Variants in VWF observed in about 807,000 individuals in gnomAD.
VWF encodes von Willebrand factor, also known as Factor VIII related antigen.
VWF carries 176 observed loss-of-function variants against 308.6 expected under a neutral mutation model. The observed-to-expected ratio is 0.57, with a 90% CI of 0.50 to 0.65. The LOEUF is 0.65. VWF is among the 30% of genes least tolerant of loss of function. VWF has a pLI of 0.00. For synonymous variants in VWF, 1,385 were observed against 1,443.4 expected (o/e 0.96, Z 0.92); for missense variants, 3,146 against 3,648.2 (o/e 0.86, Z 3.55).
At chr12:5,973,597 C>T (rs999573209) in intron 43 of VWF, among the ~76,000 whole-genome samples, 6 of 152,148 alleles carry the variant, frequency 3.9e-5, no homozygotes, top group Admixed American at 1.3e-4. Flanking sequence ...GCTCTGGGCT[C>T]GGGTCAGGAC....
Position 5,981,768 on chromosome 12 carries a change from T to C in VWF, c.7287+18A>G, listed in dbSNP as rs1308489555. ...GAGTAAACTATTAACTGATAGTTAA[T>C]AGCCAAGCAGTCCTTACCTTGTCGG... On this transcript the variant is annotated intron_variant, in intron 42 of 51. Coordinates refer to ENST00000261405, the MANE Select transcript of VWF (RefSeq NM_000552.5). 5.8e-5 allele frequency: 93 copies of C among 1,613,144 alleles called. No homozygotes were observed. In the Admixed American group the frequency reaches 1.5e-3, roughly 26 times the overall value.
intron 3 of VWF, 61 bp downstream of exon 3, chr12:6,121,113 A>C: frequency 6.2e-7 from 1 of 1,607,140 alleles, no homozygotes; most frequent in Non-Finnish European, 8.5e-7. Context: ...CCTCCCCCAC[A>C]CCAGGGCTAA....
chr12:6,112,719 G>A (rs370954360), intron 3 of VWF, among the ~76,000 whole-genome samples: 1 of 152,008 alleles, frequency 6.6e-6, no homozygotes, highest in African/African-American at 2.4e-5. Context: ...ATGGCCAGAG[G>A]AGCTGGGGCA....
chr12:6,072,311 C>T lies in VWF; in HGVS notation c.1109+20G>A, dbSNP rs201735915. ...TCCCCCAGGCAGGTCTCCCAGAGCA[C>T]GCTGCGCAGCCCCCATTACCAGGTG... On this transcript the variant is annotated intron_variant, in intron 9 of 51. Transcript: ENST00000261405. 1.7e-5 allele frequency: 28 copies of T among 1,610,942 alleles called. No homozygotes were observed. Among genetic ancestry groups the T allele is most frequent in the East Asian group, 2.2e-5 (1 of 44,848 alleles).
chr12:6,121,378 G>A lies in VWF; in HGVS notation c.56-40C>T, dbSNP rs113081282. On this transcript the variant is annotated intron_variant, in intron 2 of 51. Transcript: ENST00000261405. Reference sequence around the variant, plus strand: ...CACAGGTTGGGCTGGTGATCTCAGGGCACAACTGGGACCATCAGCTCAAAC... The same window carrying A: ...CACAGGTTGGGCTGGTGATCTCAGGACACAACTGGGACCATCAGCTCAAAC... 34,026 of 1,607,344 alleles carry A rather than the reference G, an allele frequency of 0.021. 520 individuals carry two copies. The highest frequency in any genetic ancestry group is 0.026 in the South Asian group (2,349 of 89,866).
rs565338929 is a variant in VWF, at chr12:6,047,387, C to T, written c.2187-570G>A. On this transcript the variant is annotated intron_variant, in intron 16 of 51. Coordinates refer to ENST00000261405, the MANE Select transcript of VWF (RefSeq NM_000552.5). ...GTATATTCAAAACTAAACTCATGAT[C>T]CCCCGACCAAAGCCAATTCTCCTCC... 7.2e-5 allele frequency among the ~76,000 whole-genome samples: 11 copies of T among 152,274 alleles called. No individual in the cohort carries two copies. In the East Asian group the frequency reaches 1.9e-3, roughly 27 times the overall value.
At position 6,053,245 on chromosome 12, in the gene VWF, T is replaced by A. The variant is rs577147162; in HGVS notation, c.1946-462A>T. On this transcript the variant is annotated intron_variant, in intron 15 of 51. Coordinates refer to ENST00000261405, the MANE Select transcript of VWF (RefSeq NM_000552.5). ...ACCCCGTGACAACAATGAGTACCAT[T>A]TATGGAGCACCTACTGAATGCCTTG... Among the ~76,000 whole-genome samples, 12 of 152,268 alleles carry A rather than the reference T, an allele frequency of 7.9e-5. No individual in the cohort carries two copies. The East Asian group carries it at 2.3e-3, about 29-fold the overall frequency.
intron 6 of VWF, among the ~76,000 whole-genome samples, chr12:6,082,489 G>A (rs1213851319): frequency 6.6e-6 from 1 of 152,148 alleles, no homozygotes; most frequent in Non-Finnish European, 1.5e-5. Flanking sequence ...AAGTTTAGCC[G>A]AAAGCTGCCT....
In VWF at chr12:5,964,282, A is replaced by G. The variant is rs145956098; in HGVS notation, c.7887+3204T>C. 7.3e-3 allele frequency among the ~76,000 whole-genome samples: 1,043 copies of G among 143,400 alleles called. 6 individuals carry two copies. The highest frequency in any genetic ancestry group is 0.028 in the African/African-American group (933 of 33,376). The allele number at this position is 143,400 out of a possible 152,430, so 94.1% of individuals were successfully genotyped here. A position where few individuals can be genotyped will look rare whatever the true frequency, so the allele number is the denominator to read the frequency against. On this transcript the variant is annotated intron_variant, in intron 47 of 51. Coordinates refer to ENST00000261405, the MANE Select transcript of VWF (RefSeq NM_000552.5). ...TACATACATACATACATGCATACAT[A>G]CATGCATACATACATACAAAAAGCT...
At chr12:6,028,589 A>AG (rs1040866927) in intron 22 of VWF, among the ~76,000 whole-genome samples, 4 of 152,064 alleles carry the variant, frequency 2.6e-5, no homozygotes, top group South Asian at 4.1e-4. Context: ...GCCAGAAGAG[A>AG]GGGGGGGACC....
intron 18 of VWF, among the ~76,000 whole-genome samples, chr12:6,042,300 T>A (rs143496728): frequency 6.6e-6 from 1 of 152,172 alleles, no homozygotes; most frequent in East Asian, 1.9e-4. Context: ...AAGCCCTTAG[T>A]GACATCCCAC....
At position 6,057,931 on chromosome 12, in the gene VWF, G is replaced by A. The variant is rs969572907; in HGVS notation, c.1647C>T (p.Phe549=). 2.4e-5 allele frequency: 38 copies of A among 1,613,568 alleles called. No homozygotes were observed. Among genetic ancestry groups the A allele is most frequent in the Non-Finnish European group, 3.2e-5 (38 of 1,180,002 alleles). Residue 549 remains phenylalanine (F), a synonymous_variant, in exon 14 of 52, where the codon TTC becomes TTT. Transcript: ENST00000261405. ...CCCCGTGCAGCTTCCAGGCGTTCCC[G>A]AAGTCCTCCACCCGGGGCTCCGCCA... is the stretch of plus-strand genomic sequence containing the variant. ...SGLAEPRVED[F]GNAWKLHGDC... is the part of the protein sequence containing the mutation.
intron 20 of VWF, among the ~76,000 whole-genome samples, chr12:6,034,206 C>A (rs950755189): frequency 6.6e-6 from 1 of 152,130 alleles, no homozygotes; most frequent in Non-Finnish European, 1.5e-5. Flanking sequence ...GAAGCAAACT[C>A]CAGGGGTCAT....
In VWF at chr12:6,072,267, A is replaced by G. The variant is rs1033054262; in HGVS notation, c.1109+64T>C. 5 of 1,502,514 alleles carry G rather than the reference A, an allele frequency of 3.3e-6. No individual in the cohort carries two copies. The African/African-American group carries it at 5.5e-5, about 17-fold the overall frequency. 93.1% of individuals were successfully genotyped at this position (1,502,514 alleles called of 1,614,324 possible). On this transcript the variant is annotated intron_variant, in intron 9 of 51. Coordinates refer to ENST00000261405, the MANE Select transcript of VWF (RefSeq NM_000552.5). ...TTTCCACCTGCCACCACCCCTGCTG[A>G]CCCAGCTTCCCTCCCCAGTCCCCCA...
rs1243823508 is a variant in VWF at position 6,020,600 on chromosome 12, T to C, written c.3675-857A>G. Among the ~76,000 whole-genome samples the C allele has an allele frequency of 1.3e-5, 2 of 152,246 alleles. No individual in the cohort carries two copies. Among genetic ancestry groups the C allele is most frequent in the Non-Finnish European group, 2.9e-5 (2 of 68,046 alleles). On this transcript the variant is annotated intron_variant, in intron 27 of 51. Transcript: ENST00000261405. This position sits in a 1 kb window ranked among gnomAD's most constrained non-coding sequence, Gnocchi z 4.3. ...ACCTTTTTGCCAGTGTCCCGGAAAG[T>C]GGCACGGCCTGCCAGCCCACAGGTG...
intron 34 of VWF, among the ~76,000 whole-genome samples, chr12:6,009,130 T>C (rs1943964310): frequency 6.7e-6 from 1 of 149,958 alleles, no homozygotes; most frequent in Non-Finnish European, 1.5e-5. Context: ...AAAGAAACAA[T>C]CAACAGAATA....
intron 18 of VWF, among the ~76,000 whole-genome samples, chr12:6,043,254 T>A (rs537148310): frequency 1.3e-5 from 2 of 152,328 alleles, no homozygotes; most frequent in South Asian, 4.1e-4. Flanking sequence ...AAAGTAAGCA[T>A]CTGTCCTTCA....
intron 2 of VWF, 153 bp downstream of exon 2, chr12:6,122,989 G>A (rs745939643): frequency 2.2e-6 from 2 of 916,156 alleles, no homozygotes; most frequent in South Asian, 1.3e-5. Context: ...TCAAGGGTGG[G>A]AACTCCGCAG....
intron 6 of VWF, among the ~76,000 whole-genome samples, chr12:6,087,760 A>T (rs930195004): frequency 1.3e-5 from 2 of 152,074 alleles, no homozygotes; most frequent in African/African-American, 4.8e-5. Flanking sequence ...GTTGAAGTAG[A>T]TATCTGCTAG....
Sources: allele counts gnomAD v4.1 joint callset (sites outside exome capture counted in the v4.1 genomes callset), GRCh38; gene constraint gnomAD v4.1.1; non-coding constraint Gnocchi (gnomAD v3.1); transcripts MANE v1.5; gene names NCBI Gene and HGNC (gene_info 2026-07-23, HGNC 2026-07-21).